ESR1: variants seen among roughly 807,000 people sequenced by gnomAD.
ESR1 encodes estrogen receptor.
In ESR1, 12 loss-of-function variants were observed where a neutral mutation model predicts 52.7. The ratio of observed to expected loss-of-function variants is 0.23; its 90% confidence interval spans 0.15 to 0.37. The LOEUF (loss-of-function observed/expected upper bound fraction) is 0.37, where lower values mean the gene tolerates loss of function less well. Among genes scored for constraint, ESR1 ranks in the 10% least tolerant of loss-of-function variants. The pLI, the probability that ESR1 is intolerant of heterozygous loss-of-function variation, is 1.00. For synonymous variants in ESR1, 305 were observed against 316.8 expected, an observed-to-expected ratio of 0.96 and a Z score of 0.39; for missense variants, 584 against 779.7, an observed-to-expected ratio of 0.75 and a Z score of 2.99.
chr6:151,779,688 G>A (rs1786346335), intron 2 of ESR1, among the ~76,000 whole-genome samples: 1 of 152,002 alleles, frequency 6.6e-6, no homozygotes, highest in Non-Finnish European at 1.5e-5. Context: ...ATACCCAAAG[G>A]ATTATAAATC....
chr6:152,058,797 A>G (rs1284896272), intron 5 of ESR1, among the ~76,000 whole-genome samples: 1 of 152,192 alleles, frequency 6.6e-6, no homozygotes, highest in African/African-American at 2.4e-5. Context: ...ATCTTGTTGA[A>G]TGAATTAAAG....
intron 5 of ESR1, among the ~76,000 whole-genome samples, chr6:152,049,069 G>A (rs980670260): frequency 6.6e-6 from 1 of 152,210 alleles, no homozygotes; most frequent in African/African-American, 2.4e-5. Context: ...TATTTGAGTA[G>A]GCACAACCAT....
At chr6:151,768,199 A>G (rs139817004) in intron 2 of ESR1, among the ~76,000 whole-genome samples, 87 of 152,336 alleles carry the variant, frequency 5.7e-4, no homozygotes, top group Admixed American at 5.4e-3. Flanking sequence ...GGCAGACACT[A>G]CCATATCCAA....
intron 1 of ESR1, among the ~76,000 whole-genome samples, chr6:151,697,741 G>C (rs1779464737): frequency 6.6e-6 from 1 of 152,106 alleles, no homozygotes; most frequent in South Asian, 2.1e-4. Flanking sequence ...GGAAATGTGT[G>C]GTCCCTGCAG....
intron 2 of ESR1, among the ~76,000 whole-genome samples, chr6:151,702,278 T>A (rs1779855334): frequency 1.3e-5 from 2 of 152,166 alleles, no homozygotes; most frequent in African/African-American, 4.8e-5. Flanking sequence ...TTGCATAGTA[T>A]CAGAGAGGTT....
chr6:151,741,243 C>T (rs1363882164), intron 2 of ESR1, among the ~76,000 whole-genome samples: 1 of 152,106 alleles, frequency 6.6e-6, no homozygotes, highest in Non-Finnish European at 1.5e-5. Context: ...CTCCTCCTCA[C>T]TCCAGTATCA....
At chr6:151,678,748 G>A (rs887917893) in intron 1 of ESR1, among the ~76,000 whole-genome samples, 1 of 150,948 alleles carries the variant, frequency 6.6e-6, no homozygotes, top group African/African-American at 2.4e-5. Context: ...GTACAGTGGC[G>A]CAATCTCAGC....
chr6:151,888,612 G>A (rs1583972953), intron 3 of ESR1, among the ~76,000 whole-genome samples: 1 of 149,542 alleles, frequency 6.7e-6, no homozygotes, highest in East Asian at 1.9e-4. Context: ...CATGTCATCA[G>A]CAAACACGGG....
At chr6:152,111,338 G>C (rs2051132410) in intron 6 of ESR1, among the ~76,000 whole-genome samples, 1 of 152,236 alleles carries the variant, frequency 6.6e-6, no homozygotes, top group Admixed American at 6.5e-5. Flanking sequence ...AGGCCAGGCT[G>C]GGTGCCTGGG....
chr6:151,871,836 G>T (rs889858209), intron 2 of ESR1, among the ~76,000 whole-genome samples: 1 of 152,138 alleles, frequency 6.6e-6, no homozygotes, highest in Admixed American at 6.5e-5. Context: ...TGTGATATTT[G>T]TCCTTTTGTG....
At chr6:152,075,797 T>C (rs952840969) in intron 6 of ESR1, among the ~76,000 whole-genome samples, 1 of 152,196 alleles carries the variant, frequency 6.6e-6, no homozygotes, top group Admixed American at 6.5e-5. Flanking sequence ...TGGCCAATTA[T>C]ATATGCTCAG....
At chr6:151,998,900 A>G (rs996275145) in intron 4 of ESR1, among the ~76,000 whole-genome samples, 1 of 152,022 alleles carries the variant, frequency 6.6e-6, no homozygotes, top group African/African-American at 2.4e-5. Context: ...CTAAATTTGG[A>G]CTTTTATTGG....
rs2152511207 is a variant in ESR1, at chr6:152,102,760, A to T, written c.*3794A>T. ...CACTGTCTTTTGAGATTCAAGAAAA[A>T]TTTCTATTCTTTTTTTTGCATCCAA... is the stretch of plus-strand genomic sequence containing the variant. On this transcript the variant is annotated 3_prime_UTR_variant, in exon 8 of 8. Transcript: ENST00000206249. 1 of 219,896 alleles carries T rather than the reference A, an allele frequency of 4.5e-6. No individual in the cohort carries two copies. The highest frequency in any genetic ancestry group is 1.9e-4 in the South Asian group (1 of 5,400). 13.6% of individuals were successfully genotyped at this position (219,896 alleles called of 1,614,324 possible).
intron 6 of ESR1, among the ~76,000 whole-genome samples, chr6:152,063,123 T>C (rs933630944): frequency 6.6e-6 from 1 of 152,166 alleles, no homozygotes; most frequent in African/African-American, 2.4e-5. Context: ...TTGGCCCCTG[T>C]CTGCCTCCTT....
chr6:151,759,902 C>T (rs1301490190), intron 2 of ESR1, among the ~76,000 whole-genome samples: 1 of 152,138 alleles, frequency 6.6e-6, no homozygotes, highest in African/African-American at 2.4e-5. Context: ...TTTTGCCATT[C>T]AAAGTAATGG....
chr6:151,843,777 C>T (rs558034450), intron 2 of ESR1, among the ~76,000 whole-genome samples: 118 of 152,182 alleles, frequency 7.8e-4, no homozygotes, highest in Non-Finnish European at 1.4e-3. Flanking sequence ...AACCAGAGTC[C>T]GCTAAGTTAA....
intron 5 of ESR1, among the ~76,000 whole-genome samples, chr6:152,046,683 A>G (rs2046255973): frequency 6.6e-6 from 1 of 152,210 alleles, no homozygotes; most frequent in Non-Finnish European, 1.5e-5. Flanking sequence ...AGAAAGATAT[A>G]TTTAATAAAA....
chr6:152,016,837 C>T (rs1450996926), intron 5 of ESR1, among the ~76,000 whole-genome samples: 1 of 152,124 alleles, frequency 6.6e-6, no homozygotes, highest in African/African-American at 2.4e-5. Context: ...TGTGACACTA[C>T]CTCTGCAAGG....
intron 5 of ESR1, among the ~76,000 whole-genome samples, chr6:152,016,790 G>A (rs771132517): frequency 2.0e-5 from 3 of 152,170 alleles, no homozygotes; most frequent in Non-Finnish European, 4.4e-5. Context: ...AGAGGCAGAT[G>A]ATGGTAATTT....
Sources: gnomAD v4.1 joint callset for allele counts (sites outside exome capture counted in the v4.1 genomes callset) on GRCh38, gnomAD v4.1.1 for gene constraint, MANE v1.5 for transcripts, NCBI Gene and HGNC (gene_info 2026-07-23, HGNC 2026-07-21) for gene names.